Variants in DNAJC6 observed in about 807,000 individuals in gnomAD.
DNAJC6 encodes auxilin.
Under a neutral mutation model 110.0 loss-of-function variants are expected in DNAJC6, and 34 were observed. The observed-to-expected ratio is 0.31, with a 90% confidence interval of 0.24 to 0.41. The LOEUF is 0.41. DNAJC6 is among the 10% of genes least tolerant of loss of function. The pLI, the probability that DNAJC6 is intolerant of heterozygous loss-of-function variation, is 1.00. For missense variants in DNAJC6, 1,031 were observed against 1,207.8 expected (o/e 0.85, Z 2.17); for synonymous variants, 406 against 437.2 (o/e 0.93, Z 0.89).
chr1:65,376,966 T>C (rs969242318), intron 4 of DNAJC6, among the ~76,000 whole-genome samples: 1 of 152,156 alleles, frequency 6.6e-6, no homozygotes, highest in Non-Finnish European at 1.5e-5. Flanking sequence ...AGTTTCACTG[T>C]GTTGGCCAGG....
chr1:65,389,675 T>G (rs1557557277), intron 11 of DNAJC6, 48 bp downstream of exon 11: 1 of 1,594,344 alleles, frequency 6.3e-7, no homozygotes, highest in Non-Finnish European at 8.6e-7. Context: ...GATTATGTAT[T>G]TCTTCTGTAA....
chr1:65,357,670 C>T (rs1222468382), intron 1 of DNAJC6, among the ~76,000 whole-genome samples: 1 of 152,148 alleles, frequency 6.6e-6, no homozygotes, highest in African/African-American at 2.4e-5. Flanking sequence ...AAGCCCCTAG[C>T]CTGCTTGGAG....
chr1:65,337,022 G>A (rs1467100145), intron 1 of DNAJC6, among the ~76,000 whole-genome samples: 4 of 150,994 alleles, frequency 2.6e-5, no homozygotes, highest in Non-Finnish European at 5.9e-5. Context: ...TTGTTGTTGG[G>A]AAAAAAAACC....
intron 1 of DNAJC6, among the ~76,000 whole-genome samples, chr1:65,358,178 CAAAAAAAA>C (rs11285114): frequency 1.2e-5 from 1 of 80,036 alleles, no homozygotes; most frequent in Non-Finnish European, 2.4e-5. Flanking sequence ...GACTCAGTCT[CAAAAAAAA>C]AAAAAAAAAA....
At chr1:65,402,026 G>C (rs944080165) in intron 15 of DNAJC6, 146 bp downstream of exon 15, 2 of 1,173,036 alleles carry the variant, frequency 1.7e-6, no homozygotes, top group African/African-American at 3.2e-5. Flanking sequence ...TGAAACCTGA[G>C]ATTGGCTTTT....
intron 1 of DNAJC6, among the ~76,000 whole-genome samples, chr1:65,292,705 G>A (rs1056135555): frequency 1.3e-5 from 2 of 152,078 alleles, no homozygotes; most frequent in Non-Finnish European, 2.9e-5. Context: ...AAAGTACTGG[G>A]AATATAGGTG....
chr1:65,325,159 G>T (rs1645231189), intron 1 of DNAJC6, among the ~76,000 whole-genome samples: 1 of 152,140 alleles, frequency 6.6e-6, no homozygotes, highest in African/African-American at 2.4e-5. Context: ...AGGCAGCCGA[G>T]GTCCTAGAAG....
chr1:65,314,707 T>C (rs1028866203), intron 1 of DNAJC6, among the ~76,000 whole-genome samples: 50 of 152,204 alleles, frequency 3.3e-4, no homozygotes, highest in Non-Finnish European at 7.3e-5. Flanking sequence ...AGGTTGGTCT[T>C]GGACTCCTGA....
rs543186155 is a variant in DNAJC6 at position 65,384,259 on chromosome 1, C to T, written c.733C>T (p.Pro245Ser). 6.3e-7 allele frequency: 1 copy of T among 1,589,170 alleles called. No individual in the cohort carries two copies. Among genetic ancestry groups the T allele is most frequent in the Non-Finnish European group, 8.6e-7 (1 of 1,169,454 alleles). The change falls in exon 6 of 19, where the codon CCT becomes TCT. Residue 245 changes from proline (P) to serine (S), a missense_variant. Coordinates refer to ENST00000371069, the MANE Select transcript of DNAJC6 (RefSeq NM_001256864.2). Reference sequence around the variant, plus strand: ...CATTTTCTGTAATCTCTACTCTACTCCTGGCCCAGCCATTCGATTGCTATA... The same window carrying T: ...CATTTTCTGTAATCTCTACTCTACTTCTGGCCCAGCCATTCGATTGCTATA... ...MFIFCNLYST[P>S]GPAIRLLYAK... is the part of the protein sequence containing the mutation.
intron 1 of DNAJC6, among the ~76,000 whole-genome samples, chr1:65,286,647 G>A (rs1305360585): frequency 6.6e-6 from 1 of 152,238 alleles, no homozygotes; most frequent in African/African-American, 2.4e-5. Flanking sequence ...GATGGTAGGA[G>A]TGTGTTGGTT....
At chr1:65,369,922 A>T (rs1247636301) in intron 4 of DNAJC6, among the ~76,000 whole-genome samples, 1 of 152,234 alleles carries the variant, frequency 6.6e-6, no homozygotes, top group Non-Finnish European at 1.5e-5. Context: ...GACTTTGTTT[A>T]GTCTCAGTTT....
intron 16 of DNAJC6, among the ~76,000 whole-genome samples, chr1:65,407,152 A>G (rs1244827680): frequency 6.6e-6 from 1 of 152,006 alleles, no homozygotes; most frequent in Non-Finnish European, 1.5e-5. Flanking sequence ...GCACTGTCTT[A>G]CTCCATCCTG....
At chr1:65,371,080 T>C (rs1020583964) in intron 4 of DNAJC6, among the ~76,000 whole-genome samples, 3 of 152,292 alleles carry the variant, frequency 2.0e-5, no homozygotes, top group Middle Eastern at 3.4e-3. Context: ...CTTCCATGAA[T>C]TGAATGTCTT....
At chr1:65,274,624 T>C (rs572601374) in intron 1 of DNAJC6, among the ~76,000 whole-genome samples, 4 of 151,950 alleles carry the variant, frequency 2.6e-5, no homozygotes, top group East Asian at 1.9e-4. Context: ...GCCTATACTT[T>C]ACTTTTTTCT....
intron 1 of DNAJC6, among the ~76,000 whole-genome samples, chr1:65,314,206 TA>T (rs557333022): frequency 4.2e-4 from 64 of 150,652 alleles, no homozygotes; most frequent in African/African-American, 5.6e-4. Context: ...TTGTATATAT[TA>T]AAAAAAAAGA....
chr1:65,284,542 A>G (rs72915206), intron 1 of DNAJC6, among the ~76,000 whole-genome samples: 3 of 152,120 alleles, frequency 2.0e-5, no homozygotes, highest in Middle Eastern at 3.4e-3. Flanking sequence ...CTCTGTTTTT[A>G]TCAGTCTCCT....
intron 1 of DNAJC6, among the ~76,000 whole-genome samples, chr1:65,285,711 CA>C (rs1653994705): frequency 6.6e-6 from 1 of 152,062 alleles, no homozygotes; most frequent in Non-Finnish European, 1.5e-5. Flanking sequence ...CTCATTCCGT[CA>C]CCCAGGCTGG....
intron 18 of DNAJC6, among the ~76,000 whole-genome samples, chr1:65,412,203 T>A (rs569735551): frequency 2.0e-5 from 3 of 152,224 alleles, no homozygotes; most frequent in Non-Finnish European, 4.4e-5. Flanking sequence ...TATGTCAGTT[T>A]ATGTTTTCAT....
intron 14 of DNAJC6, 45 bp downstream of exon 14, chr1:65,398,926 G>A: frequency 6.3e-7 from 1 of 1,596,498 alleles, no homozygotes; most frequent in South Asian, 1.1e-5. Context: ...AATTGCAAAA[G>A]CATAATCCTT....
Sources: allele counts gnomAD v4.1 joint callset (sites outside exome capture counted in the v4.1 genomes callset), GRCh38; gene constraint gnomAD v4.1.1; transcripts MANE v1.5; gene names NCBI Gene and HGNC (gene_info 2026-07-23, HGNC 2026-07-21).